Variants in CIMIP2A observed in about 807,000 individuals in gnomAD.
CIMIP2A encodes the protein ciliary microtubule inner protein 2A.
the CIMIP2A span, chr9:137,245,377 C>T: frequency 2.5e-6 from 4 of 1,612,838 alleles, no homozygotes; most frequent in African/African-American, 5.3e-5. Flanking sequence ...TACTGGGTGT[C>T]CCAAGTCTCT....
chr9:137,251,937 T>TG, the CIMIP2A span: 1 of 1,595,826 alleles, frequency 6.3e-7, no homozygotes. Flanking sequence ...AGCTGGTCTT[T>TG]GGGGGGCTGT....
the CIMIP2A span, chr9:137,244,664 A>G: frequency 5.0e-6 from 8 of 1,613,808 alleles, no homozygotes; most frequent in South Asian, 4.4e-5. Context: ...GAATTCGTCC[A>G]TGGCTTGCAT....
At chr9:137,246,355 G>A in the CIMIP2A span, among the ~76,000 whole-genome samples, 30 of 152,332 alleles carry the variant, frequency 2.0e-4, no homozygotes, top group African/African-American at 7.0e-4. Context: ...GTGGAGGGCT[G>A]GGCTTTTCCG....
the CIMIP2A span, chr9:137,252,632 C>A: frequency 6.9e-7 from 1 of 1,457,224 alleles, no homozygotes; most frequent in East Asian, 2.6e-5. Flanking sequence ...GAGCACCCTG[C>A]CCTGCAGCCC....
At chr9:137,251,741 C>T in the CIMIP2A span, 21 of 1,565,062 alleles carry the variant, frequency 1.3e-5, no homozygotes, top group Non-Finnish European at 1.8e-5. Context: ...CTTGCAGGCC[C>T]AAGGCATCTG....
the CIMIP2A span, chr9:137,244,686 G>A: frequency 5.3e-4 from 849 of 1,613,760 alleles, 2 homozygotes; most frequent in Middle Eastern, 4.3e-3. Context: ...ACGCCGTCTC[G>A]GTAATTCAAC....
chr9:137,247,785 C>T, the CIMIP2A span: 9 of 1,464,432 alleles, frequency 6.1e-6, no homozygotes, highest in African/African-American at 8.3e-5. Flanking sequence ...GAGGGGAGTC[C>T]TGTCACCGGG....
the CIMIP2A span, chr9:137,251,093 C>G: frequency 3.4e-6 from 2 of 595,362 alleles, no homozygotes. Context: ...CCGGGGCAGG[C>G]TGGGGGTCCT....
chr9:137,244,142 G>T, the CIMIP2A span: 5 of 1,606,390 alleles, frequency 3.1e-6, no homozygotes, highest in Non-Finnish European at 3.4e-6. Flanking sequence ...GCCGGGGTGT[G>T]TCCATGTGAC....
chr9:137,245,549 G>A, the CIMIP2A span: 1 of 1,613,762 alleles, frequency 6.2e-7, no homozygotes, highest in Non-Finnish European at 8.5e-7. Flanking sequence ...TTCTTAGAGG[G>A]CTTCAGACCT....
the CIMIP2A span, chr9:137,253,307 C>T: frequency 1.3e-4 from 202 of 1,559,556 alleles, no homozygotes; most frequent in Non-Finnish European, 1.6e-4. Flanking sequence ...TCCCCCGGGG[C>T]TTTCCCAGGC....
chr9:137,244,684 T>C, the CIMIP2A span: 1 of 1,613,744 alleles, frequency 6.2e-7, no homozygotes, highest in Non-Finnish European at 8.5e-7. Context: ...TGACGCCGTC[T>C]CGGTAATTCA....
chr9:137,249,017 G>GT, the CIMIP2A span, among the ~76,000 whole-genome samples: 98,449 of 149,734 alleles, frequency 0.66, 33,112 homozygotes, highest in Admixed American at 0.76. Flanking sequence ...AGACTAATAT[G>GT]GTTTTTTTTT....
chr9:137,252,528 T>C, the CIMIP2A span: 3 of 616,526 alleles, frequency 4.9e-6, no homozygotes, highest in Non-Finnish European at 6.3e-6. Context: ...AGCAAAAGGT[T>C]GGGGGCTGGG....
At chr9:137,247,128 A>G in the CIMIP2A span, among the ~76,000 whole-genome samples, 6 of 152,142 alleles carry the variant, frequency 3.9e-5, no homozygotes, top group African/African-American at 1.2e-4. Flanking sequence ...CCTACTAAAA[A>G]TACAAAATTA....
At chr9:137,253,267 TTGGC>T in the CIMIP2A span, 112 of 1,595,986 alleles carry the variant, frequency 7.0e-5, no homozygotes, top group Non-Finnish European at 9.4e-5. Context: ...CACAACCTGC[TTGGC>T]CCGGCCACCG....
At chr9:137,251,999 A>AG in the CIMIP2A span, 1 of 1,610,260 alleles carries the variant, frequency 6.2e-7, no homozygotes, top group South Asian at 1.1e-5. Flanking sequence ...TCCTGTGGCC[A>AG]GTGCTGGAGC....
At chr9:137,251,447 G>C in the CIMIP2A span, 7 of 1,396,056 alleles carry the variant, frequency 5.0e-6, no homozygotes, top group Non-Finnish European at 7.0e-6. Context: ...AGTGGCCAGG[G>C]GGCTGAGGGA....
chr9:137,247,615 C>G, the CIMIP2A span: 2 of 1,585,814 alleles, frequency 1.3e-6, no homozygotes, highest in Non-Finnish European at 1.7e-6. Context: ...TTCTCCCCCT[C>G]CTGCAGCCCT....
Sources: gnomAD v4.1 joint callset for allele counts (sites outside exome capture counted in the v4.1 genomes callset) on GRCh38, gnomAD v4.1.1 for gene constraint, MANE v1.5 for transcripts, NCBI Gene and HGNC (gene_info 2026-07-23, HGNC 2026-07-21) for gene names.